Variants in PARD3B observed in about 807,000 individuals in gnomAD.
PARD3B encodes the protein par-3 family cell polarity regulator beta.
A neutral mutation model predicts 130.2 loss-of-function variants in PARD3B; 103 were observed. That is an observed-to-expected ratio of 0.79 (90% CI 0.67 to 0.93). The LOEUF (loss-of-function observed/expected upper bound fraction) is 0.93, where lower values mean the gene tolerates loss of function less well. Among genes scored for constraint, PARD3B ranks in the 40% least tolerant of loss-of-function variants. The pLI, the probability that PARD3B is intolerant of heterozygous loss-of-function variation, is 0.00. For missense variants in PARD3B, 1,609 were observed against 1,499.2 expected, an observed-to-expected ratio of 1.07 and a Z score of -1.21; for synonymous variants, 583 against 553.2, an observed-to-expected ratio of 1.05 and a Z score of -0.76.
chr2:205,168,875 T>A (rs2125739545), intron 11 of PARD3B, among the ~76,000 whole-genome samples: 1 of 152,318 alleles, frequency 6.6e-6, no homozygotes, highest in South Asian at 2.1e-4. Flanking sequence ...GAATATAGAA[T>A]GGTTTGGTGA....
intron 4 of PARD3B, among the ~76,000 whole-genome samples, chr2:205,060,151 T>C (rs1363153494): frequency 6.6e-6 from 1 of 152,126 alleles, no homozygotes; most frequent in Non-Finnish European, 1.5e-5. Flanking sequence ...GTCCACATTA[T>C]GCTGCCATTG....
At chr2:205,076,735 TG>T (rs1701086826) in intron 4 of PARD3B, among the ~76,000 whole-genome samples, 1 of 152,120 alleles carries the variant, frequency 6.6e-6, no homozygotes, top group South Asian at 2.1e-4. Context: ...TAATGCCTGA[TG>T]ATCAGAGGTG....
At chr2:204,891,207 T>A (rs2046433534) in intron 2 of PARD3B, among the ~76,000 whole-genome samples, 1 of 151,026 alleles carries the variant, frequency 6.6e-6, no homozygotes, top group South Asian at 2.1e-4. Context: ...TTTTTTAACC[T>A]TGTGCTATTA....
At chr2:204,919,270 C>T (rs1484825801) in intron 2 of PARD3B, among the ~76,000 whole-genome samples, 1 of 152,084 alleles carries the variant, frequency 6.6e-6, no homozygotes, top group Admixed American at 6.6e-5. Context: ...GTAAAATTTA[C>T]ATATGATGAA....
chr2:205,605,616 T>C (rs910960753), intron 22 of PARD3B, among the ~76,000 whole-genome samples: 12 of 152,170 alleles, frequency 7.9e-5, no homozygotes, highest in African/African-American at 2.7e-4. Context: ...GGCTGCCTGC[T>C]CCCTCCTGTA....
chr2:204,785,298 TG>T (rs1370231988), intron 2 of PARD3B, among the ~76,000 whole-genome samples: 1 of 152,186 alleles, frequency 6.6e-6, no homozygotes, highest in Non-Finnish European at 1.5e-5. Flanking sequence ...TAAATGCATC[TG>T]TTCCCCGTGT....
chr2:205,175,532 T>G (rs2035417879), intron 12 of PARD3B, among the ~76,000 whole-genome samples: 1 of 152,248 alleles, frequency 6.6e-6, no homozygotes, highest in South Asian at 2.1e-4. Context: ...AATCCAATGC[T>G]TTGTTTTAGC....
chr2:205,393,775 A>G (rs849234), intron 18 of PARD3B, among the ~76,000 whole-genome samples: 112,926 of 151,988 alleles, frequency 0.74, 45,611 homozygotes, highest in East Asian at 0.96. Flanking sequence ...CACCTTAAGA[A>G]GTGAACTAAA....
rs186766686 is a variant in PARD3B, at chr2:205,216,651, T to C, written c.2140+23331T>C. Among the ~76,000 whole-genome samples the C allele has an allele frequency of 1.1e-4, 16 of 152,266 alleles. No homozygotes were observed. The East Asian group carries it at 3.1e-3, about 29-fold the overall frequency. On this transcript the variant is annotated intron_variant, in intron 15 of 22. Coordinates refer to ENST00000406610, the MANE Select transcript of PARD3B (RefSeq NM_001302769.2). The stretch of plus-strand genomic sequence containing the variant: ...TATGTTTAATGCTTACTTCGTATCA[T>C]TGAGGACTTATCACCTGGAAAGACA...
chr2:204,822,336 G>A (rs2125547836), intron 2 of PARD3B, among the ~76,000 whole-genome samples: 1 of 152,288 alleles, frequency 6.6e-6, no homozygotes. Flanking sequence ...TGCTTCTTCT[G>A]GATGAGAAAA....
At chr2:205,426,573 G>A (rs898953425) in intron 19 of PARD3B, among the ~76,000 whole-genome samples, 8 of 152,076 alleles carry the variant, frequency 5.3e-5, no homozygotes, top group African/African-American at 1.9e-4. Flanking sequence ...TACCACTATA[G>A]GGAGCAAACC....
intron 20 of PARD3B, among the ~76,000 whole-genome samples, chr2:205,496,275 T>C (rs879666126): frequency 2.0e-5 from 3 of 152,198 alleles, no homozygotes; most frequent in African/African-American, 2.4e-5. Flanking sequence ...AGCATATGTG[T>C]ATTATCTGCT....
rs528374026 is a variant in PARD3B, at chr2:205,279,576, T to A, written c.2186-20954T>A. ...ATTTAGAACAGAGTTTCTCCTTCAA[T>A]CACTGCTTTTATTTATGAAGTTTAG... On this transcript the variant is annotated intron_variant, in intron 16 of 22. Coordinates refer to ENST00000406610, the MANE Select transcript of PARD3B (RefSeq NM_001302769.2). Among the ~76,000 whole-genome samples, 79 of 152,332 alleles carry A rather than the reference T, an allele frequency of 5.2e-4. 1 individual carries two copies. Among genetic ancestry groups the A allele is most frequent in the Non-Finnish European group, 1.1e-3 (72 of 68,028 alleles).
intron 18 of PARD3B, among the ~76,000 whole-genome samples, chr2:205,363,062 A>G (rs1376226079): frequency 1.3e-5 from 2 of 152,088 alleles, no homozygotes; most frequent in African/African-American, 4.8e-5. Flanking sequence ...TCAGGTTCCC[A>G]CAGGCCCCTC....
intron 20 of PARD3B, among the ~76,000 whole-genome samples, chr2:205,498,919 G>A (rs112659884): frequency 3.6e-4 from 55 of 152,284 alleles, no homozygotes; most frequent in African/African-American, 1.3e-3. Context: ...ATAATGGACT[G>A]TAGTCTTCTG....
intron 20 of PARD3B, among the ~76,000 whole-genome samples, chr2:205,449,037 A>G (rs113072627): frequency 0.045 from 6,828 of 151,592 alleles, 532 homozygotes; most frequent in African/African-American, 0.16. Context: ...GTGGTGGCCC[A>G]TGCCTGTAAT....
At chr2:204,923,960 A>T (rs2047781651) in intron 2 of PARD3B, among the ~76,000 whole-genome samples, 1 of 152,102 alleles carries the variant, frequency 6.6e-6, no homozygotes, top group Non-Finnish European at 1.5e-5. Flanking sequence ...AGGACATGTT[A>T]CAACTGTGTT....
In PARD3B at chr2:205,458,315, GTCTT is replaced by G. The variant is rs1184441970; in HGVS notation, c.3044+17647_3044+17650del. On this transcript the variant is annotated intron_variant, in intron 20 of 22. Transcript: ENST00000406610. The surrounding 1 kb of genome is among the most constrained non-coding windows in gnomAD (Gnocchi z 4.8). ...TCCTCCTCGTCTTCCATTTTCTTCTGTCTTTCTCTCTCTCTCCCTTCCTTCTGGG... is the reference window on the plus strand; with the variant it reads ...TCCTCCTCGTCTTCCATTTTCTTCTGTCTCTCTCTCTCCCTTCCTTCTGGG... 6.6e-6 allele frequency among the ~76,000 whole-genome samples: 1 copy of G among 151,458 alleles called. No homozygotes were observed. The highest frequency in any genetic ancestry group is 1.5e-5 in the Non-Finnish European group (1 of 67,852).
intron 1 of PARD3B, among the ~76,000 whole-genome samples, chr2:204,563,799 A>G (rs1366339035): frequency 6.6e-6 from 1 of 151,994 alleles, no homozygotes; most frequent in Non-Finnish European, 1.5e-5. Context: ...TTTGAGACGG[A>G]GTCTTGCTCT....
Sources: gnomAD v4.1 joint callset for allele counts (sites outside exome capture counted in the v4.1 genomes callset) on GRCh38, gnomAD v4.1.1 for gene constraint, Gnocchi (gnomAD v3.1) non-coding constraint, MANE v1.5 for transcripts, NCBI Gene and HGNC (gene_info 2026-07-23, HGNC 2026-07-21) for gene names.